SSBP3: variants seen among roughly 807,000 people sequenced by gnomAD.
SSBP3 encodes the protein single-stranded DNA-binding protein 3.
In SSBP3, 5 loss-of-function variants were observed where a neutral mutation model predicts 69.6. The observed-to-expected ratio is 0.07, with a 90% CI of 0.04 to 0.15. The LOEUF is 0.15. Ranked by LOEUF, SSBP3 falls within the 10% of genes least tolerant of loss-of-function variation. The probability of loss-of-function intolerance (pLI) is 1.00; values close to 1 mark genes in which losing one functional copy is unlikely to be tolerated. For missense variants in SSBP3, 312 were observed against 534.0 expected (o/e 0.58, Z 4.10); for synonymous variants, 196 against 193.4 (o/e 1.01, Z -0.11).
At chr1:54,369,477 G>C (rs1013011969) in intron 4 of SSBP3, among the ~76,000 whole-genome samples, 1 of 152,112 alleles carries the variant, frequency 6.6e-6, no homozygotes, top group Non-Finnish European at 1.5e-5. Context: ...CAAGAAATCG[G>C]CTAATGTTTG....
At chr1:54,362,345 G>A (rs1308837621) in intron 4 of SSBP3, among the ~76,000 whole-genome samples, 1 of 152,226 alleles carries the variant, frequency 6.6e-6, no homozygotes, top group East Asian at 1.9e-4. Context: ...AGCATCCTTT[G>A]AGACAGAGCA....
chr1:54,289,061 T>C (rs970100199), intron 4 of SSBP3, among the ~76,000 whole-genome samples: 3 of 111,630 alleles, frequency 2.7e-5, no homozygotes, highest in Admixed American at 1.8e-4. Context: ...AAAAAAACAG[T>C]AATGTCCCAC....
At chr1:54,412,626 T>C (rs1650021315) in intron 1 of SSBP3, 1 of 152,280 alleles carries the variant, frequency 6.6e-6, no homozygotes. Flanking sequence ...GATGATTCCA[T>C]TGGTTACACA....
intron 11 of SSBP3, among the ~76,000 whole-genome samples, chr1:54,241,906 T>C (rs1644645710): frequency 6.6e-6 from 1 of 152,212 alleles, no homozygotes; most frequent in South Asian, 2.1e-4. Flanking sequence ...CTCTGAACAG[T>C]GCTCTCTGAG....
chr1:54,312,732 C>T (rs1646025801), intron 4 of SSBP3, among the ~76,000 whole-genome samples: 1 of 152,144 alleles, frequency 6.6e-6, no homozygotes, highest in African/African-American at 2.4e-5. Context: ...GACAAGACCA[C>T]CACAGCCATG....
intron 4 of SSBP3, among the ~76,000 whole-genome samples, chr1:54,371,570 C>T (rs1282634711): frequency 1.3e-5 from 2 of 152,186 alleles, no homozygotes; most frequent in Non-Finnish European, 2.9e-5. Context: ...CCTCTGGATG[C>T]ACTCTCCACC....
chr1:54,232,926 C>G (rs1167516641), intron 14 of SSBP3, among the ~76,000 whole-genome samples: 1 of 152,150 alleles, frequency 6.6e-6, no homozygotes. Flanking sequence ...GATCTCGGCT[C>G]GCTACAACCT....
At chr1:54,291,124 G>A (rs1645598521) in intron 4 of SSBP3, among the ~76,000 whole-genome samples, 1 of 151,900 alleles carries the variant, frequency 6.6e-6, no homozygotes, top group South Asian at 2.1e-4. Flanking sequence ...ACCGAGGTGT[G>A]CAGAGAACAG....
At chr1:54,239,226 C>T (rs754676836) in intron 13 of SSBP3, 27 bp from the exon 14 acceptor site, 17 of 1,568,426 alleles carry the variant, frequency 1.1e-5, no homozygotes, top group East Asian at 4.6e-5. Flanking sequence ...ACCCACAAGT[C>T]GGGGTGATTA....
chr1:54,396,726 G>A (rs1299821920), intron 4 of SSBP3, among the ~76,000 whole-genome samples: 1 of 152,160 alleles, frequency 6.6e-6, no homozygotes, highest in Non-Finnish European at 1.5e-5. Flanking sequence ...GGCATTATGC[G>A]AAAGACTGGT....
At chr1:54,380,910 CG>C (rs1290329087) in intron 4 of SSBP3, among the ~76,000 whole-genome samples, 1 of 151,238 alleles carries the variant, frequency 6.6e-6, no homozygotes, top group Non-Finnish European at 1.5e-5. Flanking sequence ...TGCTTAAGGC[CG>C]GAAGTTTGAG....
chr1:54,264,551 A>G (rs1645068643), intron 5 of SSBP3, among the ~76,000 whole-genome samples: 1 of 152,172 alleles, frequency 6.6e-6, no homozygotes, highest in African/African-American at 2.4e-5. Context: ...ACAGGCTGTG[A>G]CCTGTGCTGA....
intron 5 of SSBP3, among the ~76,000 whole-genome samples, chr1:54,280,172 T>C (rs1371738150): frequency 6.6e-6 from 1 of 152,258 alleles, no homozygotes; most frequent in African/African-American, 2.4e-5. Flanking sequence ...CCTTCTTAGC[T>C]GGTGAGCAGC....
chr1:54,367,797 C>A (rs965183818), intron 4 of SSBP3, among the ~76,000 whole-genome samples: 1 of 152,164 alleles, frequency 6.6e-6, no homozygotes, highest in Non-Finnish European at 1.5e-5. Context: ...ACCACTGGAC[C>A]AACAACTTTA....
chr1:54,323,350 T>C (rs1646247838), intron 4 of SSBP3, among the ~76,000 whole-genome samples: 1 of 152,214 alleles, frequency 6.6e-6, no homozygotes, highest in African/African-American at 2.4e-5. Context: ...AGGCAAGATC[T>C]CTGCTCTCAG....
At chr1:54,318,391 G>A (rs1452170852) in intron 4 of SSBP3, among the ~76,000 whole-genome samples, 3 of 152,162 alleles carry the variant, frequency 2.0e-5, no homozygotes, top group Non-Finnish European at 4.4e-5. Context: ...CCAGCCATCT[G>A]GGGCTCAAAG....
At chr1:54,341,106 A>G (rs1215875592) in intron 4 of SSBP3, among the ~76,000 whole-genome samples, 6 of 152,288 alleles carry the variant, frequency 3.9e-5, no homozygotes, top group African/African-American at 1.4e-4. Context: ...GCCGGCTGGC[A>G]CCTGGTGCTG....
At chr1:54,366,449 A>AC (rs1647031209) in intron 4 of SSBP3, among the ~76,000 whole-genome samples, 1 of 152,216 alleles carries the variant, frequency 6.6e-6, no homozygotes, top group African/African-American at 2.4e-5. Flanking sequence ...TAAGCAACTT[A>AC]CCCAAAGTTA....
chr1:54,330,669 C>CA (rs1646393717), intron 4 of SSBP3, among the ~76,000 whole-genome samples: 1 of 151,912 alleles, frequency 6.6e-6, no homozygotes, highest in South Asian at 2.1e-4. Context: ...TACCTGCTGA[C>CA]ACAGCCCAAA....
Sources: allele counts gnomAD v4.1 joint callset (sites outside exome capture counted in the v4.1 genomes callset), GRCh38; gene constraint gnomAD v4.1.1; transcripts MANE v1.5; gene names NCBI Gene and HGNC (gene_info 2026-07-23, HGNC 2026-07-21).